Variants in PRKCH observed in about 807,000 individuals in gnomAD.
The protein encoded by PRKCH is protein kinase C eta type.
Under a neutral mutation model 82.5 loss-of-function variants are expected in PRKCH, and 28 were observed. The observed-to-expected ratio is 0.34, with a 90% confidence interval of 0.25 to 0.47. The LOEUF is 0.47. Ranked by LOEUF, PRKCH falls within the 20% of genes least tolerant of loss-of-function variation. PRKCH has a pLI of 1.00. For synonymous variants in PRKCH, 322 were observed against 327.4 expected (o/e 0.98, Z 0.18); for missense variants, 705 against 881.8 (o/e 0.80, Z 2.54).
intron 10 of PRKCH, among the ~76,000 whole-genome samples, chr14:61,503,855 A>G (rs1158114276): frequency 6.6e-6 from 1 of 152,178 alleles, no homozygotes; most frequent in African/African-American, 2.4e-5. Context: ...CACTTGATAT[A>G]TCATCCAGGG....
In PRKCH at chr14:61,535,572, G is replaced by T. The variant is rs548973323; in HGVS notation, c.1761+4977G>T. 3.8e-3 allele frequency among the ~76,000 whole-genome samples: 572 copies of T among 152,282 alleles called. 1 individual carries two copies. Among genetic ancestry groups the T allele is most frequent in the Non-Finnish European group, 6.6e-3 (448 of 68,032 alleles). On this transcript the variant is annotated intron_variant, in intron 12 of 13. Coordinates refer to ENST00000332981, the MANE Select transcript of PRKCH (RefSeq NM_006255.5). ...GTGTGATGAGCAAAGGGGTGGGGCA[G>T]TGAGAGCTTCAGGTGAGGAGGCTGA... is the stretch of plus-strand genomic sequence containing the variant.
chr14:61,518,200 GGTGTCT>G (rs1482301262), intron 10 of PRKCH, among the ~76,000 whole-genome samples: 1 of 152,166 alleles, frequency 6.6e-6, no homozygotes, highest in African/African-American at 2.4e-5. Flanking sequence ...GTTGTCTCCT[GGTGTCT>G]TTGCCTGAAG....
At chr14:61,509,246 G>T (rs1887275260) in intron 10 of PRKCH, among the ~76,000 whole-genome samples, 1 of 152,104 alleles carries the variant, frequency 6.6e-6, no homozygotes, top group Non-Finnish European at 1.5e-5. Context: ...TTAGTTTGGA[G>T]AATGCCCTTC....
rs1011254760 is a variant in PRKCH at position 61,445,596 on chromosome 14, A to T, written c.579-96A>T. 4 of 1,091,392 alleles carry T rather than the reference A, an allele frequency of 3.7e-6. No individual in the cohort carries two copies. The East Asian group carries it at 9.5e-5, about 26-fold the overall frequency. 67.6% of individuals were successfully genotyped at this position (1,091,392 alleles called of 1,614,324 possible). ...CTTCTTCCCTGAAATTGTGTTTTTC[A>T]TAAAGGAGGAGAGGATGAAATTTGT... On this transcript the variant is annotated intron_variant, in intron 3 of 13. Coordinates refer to ENST00000332981, the MANE Select transcript of PRKCH (RefSeq NM_006255.5).
chr14:61,364,696 A>G (rs577156831), intron 1 of PRKCH, among the ~76,000 whole-genome samples: 19 of 151,850 alleles, frequency 1.3e-4, no homozygotes, highest in Non-Finnish European at 2.4e-4. Context: ...AAACTTAGCC[A>G]GGTATGGTGG....
Position 61,397,737 on chromosome 14 carries a change from G to T in PRKCH, c.427+6449G>T, listed in dbSNP as rs143619417. Among the ~76,000 whole-genome samples, 4 of 152,278 alleles carry T rather than the reference G, an allele frequency of 2.6e-5. No homozygotes were observed. In the East Asian group the frequency reaches 5.8e-4, roughly 22 times the overall value. ...AAAATGTTTGATAATGAAGTTAGAA[G>T]AAAGAACAGAACACAAAAGGCTTTG... On this transcript the variant is annotated intron_variant, in intron 2 of 13. Transcript: ENST00000332981.
At chr14:61,495,674 T>C (rs1886638010) in intron 10 of PRKCH, among the ~76,000 whole-genome samples, 1 of 152,198 alleles carries the variant, frequency 6.6e-6, no homozygotes, top group Admixed American at 6.5e-5. Flanking sequence ...CGTTAACAAA[T>C]AATTTTTTTG....
At chr14:61,498,895 G>A (rs112916941) in intron 10 of PRKCH, among the ~76,000 whole-genome samples, 5 of 152,122 alleles carry the variant, frequency 3.3e-5, no homozygotes, top group African/African-American at 1.2e-4. Flanking sequence ...CGTGTTTGGG[G>A]TTTTCAGTTA....
At chr14:61,434,512 G>A (rs566019993) in intron 2 of PRKCH, among the ~76,000 whole-genome samples, 1 of 152,258 alleles carries the variant, frequency 6.6e-6, no homozygotes, top group South Asian at 2.1e-4. Context: ...TATGGATGAC[G>A]TCAATAGAGG....
At chr14:61,387,173 T>C (rs1316374104) in intron 1 of PRKCH, among the ~76,000 whole-genome samples, 1 of 152,224 alleles carries the variant, frequency 6.6e-6, no homozygotes, top group Non-Finnish European at 1.5e-5. Flanking sequence ...TTGGACCTAC[T>C]TGGATTTTTG....
intron 1 of PRKCH, among the ~76,000 whole-genome samples, chr14:61,333,597 A>T (rs927773404): frequency 1.3e-5 from 2 of 152,110 alleles, no homozygotes; most frequent in Non-Finnish European, 2.9e-5. Flanking sequence ...GGTGAAATAT[A>T]CTAGATGATG....
At chr14:61,218,891 C>T (rs1208918457) in intron 1 of PRKCH, among the ~76,000 whole-genome samples, 2 of 152,198 alleles carry the variant, frequency 1.3e-5, no homozygotes, top group Non-Finnish European at 2.9e-5. Flanking sequence ...AAGAGATGTC[C>T]TTGCTCAATA....
intron 1 of PRKCH, among the ~76,000 whole-genome samples, chr14:61,261,943 C>T (rs1002149578): frequency 4.6e-5 from 7 of 151,794 alleles, no homozygotes; most frequent in South Asian, 4.2e-4. Flanking sequence ...AGAGCAGCAC[C>T]GGGCACGGTA....
intron 1 of PRKCH, among the ~76,000 whole-genome samples, chr14:61,205,318 TGTCA>T (rs1185301108): frequency 6.6e-6 from 1 of 152,206 alleles, no homozygotes; most frequent in Non-Finnish European, 1.5e-5. Flanking sequence ...TGCCCCACTC[TGTCA>T]GTCAGGATTC....
chr14:61,371,417 T>C (rs2046363305), intron 1 of PRKCH, among the ~76,000 whole-genome samples: 1 of 152,080 alleles, frequency 6.6e-6, no homozygotes. Context: ...TGTTTATATG[T>C]CTGCTTAGGT....
At chr14:61,210,116 AT>A (rs2044559950) in intron 1 of PRKCH, among the ~76,000 whole-genome samples, 1 of 13,530 alleles carries the variant, frequency 7.4e-5, no homozygotes, top group African/African-American at 6.2e-4. Context: ...AAACAAATAT[AT>A]ATATATATAT....
At chr14:61,402,325 AC>A (rs1881670212) in intron 2 of PRKCH, among the ~76,000 whole-genome samples, 1 of 152,232 alleles carries the variant, frequency 6.6e-6, no homozygotes, top group Non-Finnish European at 1.5e-5. Flanking sequence ...ATTGCAACCA[AC>A]TTTTGAGAAA....
intron 2 of PRKCH, among the ~76,000 whole-genome samples, chr14:61,422,823 G>A (rs1238181618): frequency 6.6e-6 from 1 of 152,160 alleles, no homozygotes; most frequent in African/African-American, 2.4e-5. Context: ...AAACATTGCA[G>A]TAGGCTAATC....
At chr14:61,344,610 G>A (rs1055345778) in intron 1 of PRKCH, among the ~76,000 whole-genome samples, 5 of 152,108 alleles carry the variant, frequency 3.3e-5, no homozygotes, top group African/African-American at 1.2e-4. Flanking sequence ...GCTGTGGGAC[G>A]ATCAATCCAG....
Sources: gnomAD v4.1 joint callset for allele counts (sites outside exome capture counted in the v4.1 genomes callset) on GRCh38, gnomAD v4.1.1 for gene constraint, MANE v1.5 for transcripts, NCBI Gene and HGNC (gene_info 2026-07-23, HGNC 2026-07-21) for gene names.